Variants in NEK7 observed in about 807,000 individuals in gnomAD.
NEK7 encodes the protein NIMA related kinase 7.
NEK7 carries 18 observed loss-of-function variants against 44.6 expected under a neutral mutation model. That is an observed-to-expected ratio of 0.40 (90% CI 0.28 to 0.60). The LOEUF is 0.60. Ranked by LOEUF, NEK7 falls within the 20% of genes least tolerant of loss-of-function variation. The probability of loss-of-function intolerance (pLI) is 0.38; values close to 1 mark genes in which losing one functional copy is unlikely to be tolerated. For synonymous variants in NEK7, 130 were observed against 121.1 expected (o/e 1.07, Z -0.48); for missense variants, 256 against 366.5 (o/e 0.70, Z 2.46).
At chr1:198,231,301 G>GTATATATATATATATA (rs749263549) in intron 1 of NEK7, among the ~76,000 whole-genome samples, 48 of 86,912 alleles carry the variant, frequency 5.5e-4, no homozygotes, top group Non-Finnish European at 3.8e-4. Flanking sequence ...ATGTGTGTGT[G>GTATATATATATATATA]TATATATATA....
At chr1:198,159,098 G>A (rs1250618636) in intron 1 of NEK7, among the ~76,000 whole-genome samples, 1 of 152,228 alleles carries the variant, frequency 6.6e-6, no homozygotes, top group Non-Finnish European at 1.5e-5. Flanking sequence ...GGAGGTGCGG[G>A]CCTGAAATTC....
chr1:198,186,636 C>T (rs1199817875), intron 1 of NEK7, among the ~76,000 whole-genome samples: 2 of 152,146 alleles, frequency 1.3e-5, no homozygotes, highest in Admixed American at 6.6e-5. Context: ...CCAACCTTTG[C>T]CCATACACAT....
At chr1:198,208,922 T>G (rs1402348552) in intron 1 of NEK7, among the ~76,000 whole-genome samples, 1 of 152,026 alleles carries the variant, frequency 6.6e-6, no homozygotes, top group Non-Finnish European at 1.5e-5. Context: ...GGAAAAAACA[T>G]GCTTAGATGT....
chr1:198,310,617 G>C (rs914062214), intron 9 of NEK7, among the ~76,000 whole-genome samples: 1 of 151,558 alleles, frequency 6.6e-6, no homozygotes, highest in African/African-American at 2.4e-5. Flanking sequence ...ATTGATTTTT[G>C]TATAAGGTGT....
At chr1:198,213,525 C>G (rs188263730) in intron 1 of NEK7, among the ~76,000 whole-genome samples, 86 of 152,266 alleles carry the variant, frequency 5.6e-4, no homozygotes, top group East Asian at 4.8e-3. Flanking sequence ...CAGGGTTACT[C>G]TATCCTCAGA....
chr1:198,199,653 T>C (rs1437759388), intron 1 of NEK7, among the ~76,000 whole-genome samples: 4 of 152,210 alleles, frequency 2.6e-5, no homozygotes, highest in Non-Finnish European at 5.9e-5. Context: ...TGTTACGTCT[T>C]GCTGACGTGT....
At chr1:198,277,419 A>G (rs1197019120) in intron 5 of NEK7, among the ~76,000 whole-genome samples, 2 of 151,838 alleles carry the variant, frequency 1.3e-5, no homozygotes, top group Non-Finnish European at 2.9e-5. Flanking sequence ...ATTCATTCAA[A>G]GCAAAGTACA....
chr1:198,227,700 A>G (rs1172869049), intron 1 of NEK7, among the ~76,000 whole-genome samples: 1 of 152,080 alleles, frequency 6.6e-6, no homozygotes, highest in Non-Finnish European at 1.5e-5. Flanking sequence ...TCCTTCGCCC[A>G]CTTTTGATGG....
At chr1:198,300,032 A>G (rs1042916771) in intron 9 of NEK7, among the ~76,000 whole-genome samples, 2 of 152,210 alleles carry the variant, frequency 1.3e-5, no homozygotes, top group East Asian at 1.9e-4. Flanking sequence ...TCAGCTACAC[A>G]TAAGTGATAT....
intron 1 of NEK7, among the ~76,000 whole-genome samples, chr1:198,226,328 T>G (rs941261161): frequency 2.6e-5 from 4 of 152,024 alleles, no homozygotes; most frequent in Non-Finnish European, 4.4e-5. Flanking sequence ...GTGGATCACC[T>G]GAGGTCAGGA....
intron 7 of NEK7, among the ~76,000 whole-genome samples, chr1:198,289,927 A>G (rs1380432756): frequency 6.6e-6 from 1 of 152,196 alleles, no homozygotes; most frequent in African/African-American, 2.4e-5. Context: ...AGTCAATGTA[A>G]TGAAAGGGAT....
intron 1 of NEK7, among the ~76,000 whole-genome samples, chr1:198,158,101 C>T (rs1196825267): frequency 2.0e-5 from 3 of 152,160 alleles, no homozygotes; most frequent in Non-Finnish European, 2.9e-5. Context: ...ACCGCAGCAT[C>T]CTCTATTTAG....
At chr1:198,260,198 A>AATTTC (rs1234985859) in intron 3 of NEK7, among the ~76,000 whole-genome samples, 1 of 152,086 alleles carries the variant, frequency 6.6e-6, no homozygotes, top group Non-Finnish European at 1.5e-5. Context: ...TCTTGGAGAA[A>AATTTC]ATTTCTGCAA....
At chr1:198,215,378 C>G (rs959325324) in intron 1 of NEK7, among the ~76,000 whole-genome samples, 1 of 152,154 alleles carries the variant, frequency 6.6e-6, no homozygotes, top group Non-Finnish European at 1.5e-5. Flanking sequence ...ACAAGCTTGT[C>G]CAATCCACAT....
At chr1:198,261,002 A>G (rs1027889524) in intron 3 of NEK7, among the ~76,000 whole-genome samples, 1 of 152,020 alleles carries the variant, frequency 6.6e-6, no homozygotes, top group African/African-American at 2.4e-5. Flanking sequence ...ATCTTTGGAT[A>G]TTAAGAATGA....
intron 9 of NEK7, among the ~76,000 whole-genome samples, chr1:198,312,122 T>C (rs1655206279): frequency 6.6e-6 from 1 of 152,326 alleles, no homozygotes; most frequent in South Asian, 2.1e-4. Context: ...CAGCTCCTGT[T>C]ATTGGTTTAT....
Position 198,187,782 on chromosome 1 carries a change from C to T in NEK7, c.-29+30506C>T, listed in dbSNP as rs556109921. Among the ~76,000 whole-genome samples the T allele has an allele frequency of 2.4e-4, 36 of 152,270 alleles. 2 individuals carry two copies. The South Asian group carries it at 7.5e-3, about 32-fold the overall frequency. On this transcript the variant is annotated intron_variant, in intron 1 of 9. Coordinates refer to ENST00000367385, the MANE Select transcript of NEK7 (RefSeq NM_133494.3). ...CTTGACCTTTCTTCCTGAAGTCTTT[C>T]CCGTGGGTAGAAAGACTTTGGCTGC...
chr1:198,189,973 A>C (rs1571514556), intron 1 of NEK7, among the ~76,000 whole-genome samples: 1 of 152,122 alleles, frequency 6.6e-6, no homozygotes, highest in Admixed American at 6.6e-5. Context: ...TTTAATTTGT[A>C]TTGCCATATA....
At chr1:198,252,511 C>T (rs1046329104) in intron 2 of NEK7, among the ~76,000 whole-genome samples, 37 of 113,108 alleles carry the variant, frequency 3.3e-4, no homozygotes, top group African/African-American at 1.1e-3. Flanking sequence ...CCTTTTTAGG[C>T]TTTCCTATCT....
Sources: gnomAD v4.1 joint callset for allele counts (sites outside exome capture counted in the v4.1 genomes callset) on GRCh38, gnomAD v4.1.1 for gene constraint, MANE v1.5 for transcripts, NCBI Gene and HGNC (gene_info 2026-07-23, HGNC 2026-07-21) for gene names.